NTM: variants seen among roughly 807,000 people sequenced by gnomAD.
NTM encodes IgLON family member 2.
A neutral mutation model predicts 42.1 loss-of-function variants in NTM; 13 were observed. The ratio of observed to expected loss-of-function variants is 0.31; its 90% CI spans 0.20 to 0.49. The LOEUF is 0.49. Among genes scored for constraint, NTM ranks in the 20% least tolerant of loss-of-function variants. The pLI is 0.99. For missense variants in NTM, 373 were observed against 452.8 expected, an observed-to-expected ratio of 0.82 and a Z score of 1.60; for synonymous variants, 187 against 179.2, an observed-to-expected ratio of 1.04 and a Z score of -0.35.
rs183717382 is a variant in NTM, at chr11:131,563,207, C to T, written c.82+192319C>T. On this transcript the variant is annotated intron_variant, in intron 1 of 8. Transcript: ENST00000683400. ...AGACCTTTGCTTGAAAGAATCCATG[C>T]AAGTGCAAATTATTATTATTATATC... 3.5e-3 allele frequency among the ~76,000 whole-genome samples: 527 copies of T among 152,122 alleles called. 1 individual carries two copies. Among genetic ancestry groups the T allele is most frequent in the Admixed American group, 5.2e-3 (79 of 15,292 alleles).
At chr11:131,722,325 C>T (rs2135408805) in intron 1 of NTM, among the ~76,000 whole-genome samples, 1 of 152,284 alleles carries the variant, frequency 6.6e-6, no homozygotes, top group East Asian at 1.9e-4. Context: ...AGACCATAAT[C>T]AGTAAGAGTG....
chr11:132,190,255 C>A (rs2079085714), intron 3 of NTM, among the ~76,000 whole-genome samples: 1 of 151,994 alleles, frequency 6.6e-6, no homozygotes, highest in Admixed American at 6.6e-5. Context: ...TACTAATAAC[C>A]AAAGCATGGT....
chr11:132,034,966 CA>C (rs2076339478), intron 2 of NTM, among the ~76,000 whole-genome samples: 1 of 152,172 alleles, frequency 6.6e-6, no homozygotes, highest in Non-Finnish European at 1.5e-5. Flanking sequence ...GGTCTCCTAG[CA>C]TCTTGATTAT....
chr11:131,651,879 A>G (rs973289174), intron 1 of NTM, among the ~76,000 whole-genome samples: 1 of 151,564 alleles, frequency 6.6e-6, no homozygotes, highest in Non-Finnish European at 1.5e-5. Context: ...AAAATATCAT[A>G]AAAAGCAAAA....
At chr11:131,792,488 C>T (rs941615375) in intron 1 of NTM, among the ~76,000 whole-genome samples, 1 of 152,084 alleles carries the variant, frequency 6.6e-6, no homozygotes, top group Non-Finnish European at 1.5e-5. Flanking sequence ...CAAATTCCCA[C>T]TCTACACCTT....
intron 3 of NTM, among the ~76,000 whole-genome samples, chr11:132,173,033 AT>A (rs1174859100): frequency 1.3e-5 from 2 of 152,164 alleles, no homozygotes; most frequent in African/African-American, 2.4e-5. Flanking sequence ...CATCACATGG[AT>A]TTTTGGCCAC....
intron 1 of NTM, among the ~76,000 whole-genome samples, chr11:131,426,769 T>C (rs1170078032): frequency 6.6e-6 from 1 of 152,080 alleles, no homozygotes; most frequent in Non-Finnish European, 1.5e-5. Flanking sequence ...CATTGGGCTT[T>C]CTTGGGGCAC....
intron 2 of NTM, among the ~76,000 whole-genome samples, chr11:132,104,937 G>GTGTT (rs1169190929): frequency 1.6e-5 from 1 of 61,826 alleles, no homozygotes; most frequent in Non-Finnish European, 3.0e-5. Context: ...ATATACATAT[G>GTGTT]TATATATATA....
At chr11:131,884,275 G>A (rs2137340961) in intron 1 of NTM, among the ~76,000 whole-genome samples, 1 of 152,248 alleles carries the variant, frequency 6.6e-6, no homozygotes, top group South Asian at 2.1e-4. Flanking sequence ...CGGACATGGT[G>A]GTGCATGCCT....
intron 7 of NTM, among the ~76,000 whole-genome samples, chr11:132,328,523 CA>C (rs1216245271): frequency 6.6e-6 from 1 of 152,026 alleles, no homozygotes; most frequent in African/African-American, 2.4e-5. Flanking sequence ...CTTTTATTTT[CA>C]GCAGGAATTT....
At chr11:131,980,375 C>T (rs904293840) in intron 2 of NTM, among the ~76,000 whole-genome samples, 2 of 152,098 alleles carry the variant, frequency 1.3e-5, no homozygotes, top group African/African-American at 4.8e-5. Context: ...CCCATTGGTC[C>T]TGCTAGATAA....
intron 1 of NTM, among the ~76,000 whole-genome samples, chr11:131,673,081 T>C (rs1382758053): frequency 6.6e-6 from 1 of 152,104 alleles, no homozygotes. Flanking sequence ...CCTTGTCTAT[T>C]TTAGGCTTTA....
chr11:132,109,012 T>G (rs140755717), intron 2 of NTM, among the ~76,000 whole-genome samples: 1 of 152,224 alleles, frequency 6.6e-6, no homozygotes, highest in Non-Finnish European at 1.5e-5. Context: ...GCTTCATCCA[T>G]ATTTCTCCAA....
Position 131,694,774 on chromosome 11 carries a change from G to A in NTM, c.83-216790G>A, listed in dbSNP as rs574910255. ...CCAAGACCATGAGCTTTGCGGAAGG[G>A]CATAAAGGCTTTTAAACAGGATCAG... is the stretch of plus-strand genomic sequence containing the variant. On this transcript the variant is annotated intron_variant, in intron 1 of 8. Transcript: ENST00000683400. Among the ~76,000 whole-genome samples, 40 of 152,316 alleles carry A rather than the reference G, an allele frequency of 2.6e-4. No homozygotes were observed. The South Asian group carries it at 7.5e-3, about 28-fold the overall frequency.
chr11:132,057,198 AAAAAG>A (rs1182170328), intron 2 of NTM, among the ~76,000 whole-genome samples: 1 of 152,238 alleles, frequency 6.6e-6, no homozygotes, highest in Non-Finnish European at 1.5e-5. Flanking sequence ...AAGGAAAAGA[AAAAAG>A]AAAAGAAAGA....
intron 3 of NTM, among the ~76,000 whole-genome samples, chr11:132,190,763 T>C (rs756280455): frequency 6.8e-6 from 1 of 147,656 alleles, no homozygotes; most frequent in Non-Finnish European, 1.5e-5. Context: ...AAGAGACAGA[T>C]AGCAGATCAG....
chr11:131,895,751 G>A (rs2052167390), intron 1 of NTM, among the ~76,000 whole-genome samples: 1 of 152,064 alleles, frequency 6.6e-6, no homozygotes, highest in African/African-American at 2.4e-5. Context: ...TAATAGAAAA[G>A]AGAGGCATGG....
intron 4 of NTM, among the ~76,000 whole-genome samples, chr11:132,280,369 C>T (rs1448295849): frequency 2.0e-5 from 3 of 152,028 alleles, no homozygotes; most frequent in African/African-American, 7.2e-5. Flanking sequence ...AGTTTGCTCG[C>T]CTAGGGTGCA....
At chr11:131,558,981 G>T (rs902842184) in intron 1 of NTM, among the ~76,000 whole-genome samples, 1 of 152,114 alleles carries the variant, frequency 6.6e-6, no homozygotes, top group Non-Finnish European at 1.5e-5. Context: ...AATAATTAGT[G>T]AATTTCAATA....
Sources: allele counts gnomAD v4.1 joint callset (sites outside exome capture counted in the v4.1 genomes callset), GRCh38; gene constraint gnomAD v4.1.1; transcripts MANE v1.5; gene names NCBI Gene and HGNC (gene_info 2026-07-23, HGNC 2026-07-21).